Variants in C13orf46 observed in about 807,000 individuals in gnomAD.
C13orf46 encodes the protein uncharacterized protein C13orf46.
intron 5 of C13orf46, among the ~76,000 whole-genome samples, chr13:113,966,689 A>G (rs2052653538): frequency 6.6e-6 from 1 of 151,158 alleles, no homozygotes; most frequent in African/African-American, 2.4e-5. Flanking sequence ...TGGTGATATT[A>G]ATGATGATGG....
At chr13:113,946,765 G>A in the C13orf46 span, among the ~76,000 whole-genome samples, 7 of 152,256 alleles carry the variant, frequency 4.6e-5, no homozygotes, top group Non-Finnish European at 1.0e-4. Context: ...ACAGTAGAGG[G>A]GTCCGAAGCC....
the C13orf46 span, among the ~76,000 whole-genome samples, chr13:113,936,767 G>A: frequency 2.3e-3 from 350 of 152,176 alleles, no homozygotes; most frequent in African/African-American, 8.1e-3. Flanking sequence ...CTTGTGCCCC[G>A]AGTCGCTTCT....
At position 113,955,552 on chromosome 13, in the gene C13orf46, AGAGGAGGAGCATCTCG is replaced by A. The variant is rs2052520819; in HGVS notation, c.*1205_*1220del. On this transcript the variant is annotated 3_prime_UTR_variant, in exon 7 of 7. Transcript: ENST00000636427. ...GGCGGAGACGAGGAGCATCTCGTGG[AGAGGAGGAGCATCTCG>A]TGGAGAGGAGGAGCATCTCGTGGAG... is the stretch of plus-strand genomic sequence containing the variant. 2 of 33,120 alleles carry A rather than the reference AGAGGAGGAGCATCTCG, an allele frequency of 6.0e-5. No homozygotes were observed. Among genetic ancestry groups the A allele is most frequent in the Admixed American group, 3.4e-4 (1 of 2,928 alleles). The allele number at this position is 33,120 out of a possible 1,614,324, so 2.1% of individuals were successfully genotyped here.
At chr13:113,957,581 C>G (rs2052548808) in intron 6 of C13orf46, among the ~76,000 whole-genome samples, 1 of 130,452 alleles carries the variant, frequency 7.7e-6, no homozygotes. Context: ...ACTGGGGGGT[C>G]TCCCCTGCAC....
In C13orf46 at chr13:113,955,003, G is replaced by C. The variant is rs1460685811; in HGVS notation, c.*1770C>G. 1,200 of 90,316 alleles carry C rather than the reference G, an allele frequency of 0.013. 27 individuals carry two copies. The highest frequency in any genetic ancestry group is 0.024 in the Non-Finnish European group (847 of 35,934). The allele number at this position is 90,316 out of a possible 1,614,324, so 5.6% of individuals were successfully genotyped here. The stretch of plus-strand genomic sequence containing the variant: ...GACGAGGAGGAGGATCTGGCAGAGA[G>C]GAGGAGTAGGATCTGGCGGAGAGGA... On this transcript the variant is annotated 3_prime_UTR_variant, in exon 7 of 7. Transcript: ENST00000636427.
downstream of C13orf46, among the ~76,000 whole-genome samples, chr13:113,952,428 C>T (rs2052493104): frequency 6.6e-6 from 1 of 152,190 alleles, no homozygotes; most frequent in African/African-American, 2.4e-5. Context: ...CCCGCCTGCT[C>T]AGGGCTGGGT....
rs979318073 is a variant in C13orf46 at position 113,969,931 on chromosome 13, C to G, written c.242+240G>C. Among the ~76,000 whole-genome samples the G allele has an allele frequency of 2.7e-3, 413 of 152,246 alleles. 2 individuals are homozygous for G. The highest frequency in any genetic ancestry group is 9.7e-3 in the African/African-American group (402 of 41,524). On this transcript the variant is annotated intron_variant, in intron 2 of 6. Transcript: ENST00000636427. ...GGCCAGGGCCCGAGTCCTGAGGACA[C>G]CACCCCGCTACAGGTGGGTCCTGTT...
chr13:113,958,497 C>T (rs1285239647), intron 6 of C13orf46, among the ~76,000 whole-genome samples: 2 of 152,220 alleles, frequency 1.3e-5, no homozygotes, highest in African/African-American at 4.8e-5. Context: ...TTCCTGCACA[C>T]GACGTCTGCC....
chr13:113,942,269 C>G, the C13orf46 span, among the ~76,000 whole-genome samples: 8 of 152,362 alleles, frequency 5.3e-5, no homozygotes, highest in South Asian at 1.7e-3. Context: ...GGACCCACTG[C>G]TCTTCCCTGC....
chr13:113,971,895 G>T (rs2052710093), intron 1 of C13orf46, among the ~76,000 whole-genome samples: 1 of 152,228 alleles, frequency 6.6e-6, no homozygotes, highest in African/African-American at 2.4e-5. Context: ...AATCTCAGTT[G>T]TCTGGGGGCA....
downstream of C13orf46, among the ~76,000 whole-genome samples, chr13:113,951,661 G>A (rs1438351759): frequency 1.3e-5 from 2 of 152,110 alleles, no homozygotes; most frequent in Middle Eastern, 3.2e-3. Context: ...CTGCCCCAAG[G>A]CTGCATTCAT....
the C13orf46 span, among the ~76,000 whole-genome samples, chr13:113,945,577 G>GAA: frequency 2.8e-3 from 355 of 127,128 alleles, 2 homozygotes; most frequent in Middle Eastern, 4.2e-3. Context: ...AAGAAAGAAA[G>GAA]AGAGAGAGAG....
At chr13:113,932,324 CTTGTG>C in the C13orf46 span, among the ~76,000 whole-genome samples, 2 of 152,214 alleles carry the variant, frequency 1.3e-5, no homozygotes, top group Non-Finnish European at 2.9e-5. Context: ...CCCTGTGGTT[CTTGTG>C]TTATGATCCT....
intron 6 of C13orf46, among the ~76,000 whole-genome samples, chr13:113,958,149 G>A (rs2052557291): frequency 7.1e-6 from 1 of 141,438 alleles, no homozygotes; most frequent in Admixed American, 7.2e-5. Context: ...CTTTCATCAA[G>A]CGCACTGGGG....
At chr13:113,944,525 A>G in the C13orf46 span, among the ~76,000 whole-genome samples, 5 of 151,862 alleles carry the variant, frequency 3.3e-5, no homozygotes, top group Admixed American at 3.3e-4. Flanking sequence ...CAGGTGTGTG[A>G]CGGGCCCTCC....
chr13:113,960,130 G>A (rs992267046), intron 6 of C13orf46, among the ~76,000 whole-genome samples: 7 of 152,182 alleles, frequency 4.6e-5, no homozygotes, highest in South Asian at 2.1e-4. Context: ...GGTGGTGGGC[G>A]CCTGTAGTCT....
At chr13:113,959,034 TG>T (rs1372706778) in intron 6 of C13orf46, among the ~76,000 whole-genome samples, 19,114 of 152,216 alleles carry the variant, frequency 0.13, 1,669 homozygotes, top group Middle Eastern at 0.2. Flanking sequence ...TCCCAGCACT[TG>T]GGAGGTTGAG....
the C13orf46 span, among the ~76,000 whole-genome samples, chr13:113,931,902 C>T: frequency 2.0e-5 from 3 of 152,136 alleles, no homozygotes; most frequent in African/African-American, 7.2e-5. Flanking sequence ...GCCATGACCA[C>T]AATCGAGACC....
chr13:113,945,669 AAAG>A, the C13orf46 span, among the ~76,000 whole-genome samples: 1 of 131,956 alleles, frequency 7.6e-6, no homozygotes, highest in South Asian at 2.3e-4. Context: ...AGAAAGAAAG[AAAG>A]GAAAGAAAAA....
Sources: gnomAD v4.1 joint callset for allele counts (sites outside exome capture counted in the v4.1 genomes callset) on GRCh38, gnomAD v4.1.1 for gene constraint, MANE v1.5 for transcripts, NCBI Gene and HGNC (gene_info 2026-07-23, HGNC 2026-07-21) for gene names.